TRIP12: variants seen among roughly 807,000 people sequenced by gnomAD.
TRIP12 encodes the protein E3 ubiquitin-protein ligase TRIP12.
Under a neutral mutation model 244.2 loss-of-function variants are expected in TRIP12, and 25 were observed. That is an observed-to-expected ratio of 0.10 (90% confidence interval 0.07 to 0.14). TRIP12 has a LOEUF of 0.14. TRIP12 is among the 10% of genes least tolerant of loss of function. The pLI, the probability that TRIP12 is intolerant of heterozygous loss-of-function variation, is 1.00. For missense variants in TRIP12, 1,677 were observed against 2,486.4 expected (o/e 0.67, Z 6.92); for synonymous variants, 905 against 873.1 (o/e 1.04, Z -0.64).
intron 34 of TRIP12, among the ~76,000 whole-genome samples, chr2:229,780,332 A>G (rs1426282218): frequency 6.6e-6 from 1 of 152,094 alleles, no homozygotes; most frequent in Non-Finnish European, 1.5e-5. Context: ...CTAATTACCA[A>G]CTTTACCCAG....
intron 1 of TRIP12, among the ~76,000 whole-genome samples, chr2:229,911,607 A>G (rs759553929): frequency 7.9e-5 from 12 of 152,152 alleles, no homozygotes; most frequent in Non-Finnish European, 1.5e-4. Flanking sequence ...ACAAAGAAAT[A>G]ATAAGTGTCT....
rs558759725 is a variant in TRIP12 at position 229,834,632 on chromosome 2, CACTTGTAGTCCCAACT to C, written c.1270+2200_1270+2215del. On this transcript the variant is annotated intron_variant, in intron 6 of 41. Transcript: ENST00000675903. ...AAAATTAGCCGGCTGTGGTGTCAGG[CACTTGTAGTCCCAACT>C]ACTTAGGAGGCTGAGGCAAGAGAAT... 4.4e-3 allele frequency among the ~76,000 whole-genome samples: 669 copies of C among 152,210 alleles called. 3 individuals are homozygous for C. Among genetic ancestry groups the C allele is most frequent in the Admixed American group, 0.01 (160 of 15,282 alleles).
In TRIP12 at chr2:229,804,133, A is replaced by G. The variant is rs1420157199; in HGVS notation, c.2745T>C (p.Gly915=). ...AGGAACTATACACTTCATAAAGAAC[A>G]CCAAATAATGTCTTAATAAAAGACT... ...LAKSFIKTLF[G]VLYEVYSSSA... is the part of the protein sequence containing the mutation. The change falls in exon 19 of 42, where the codon GGT becomes GGC. Residue 915 remains glycine, a synonymous_variant. Coordinates refer to ENST00000675903, the MANE Select transcript of TRIP12 (RefSeq NM_001348323.3). The G allele has an allele frequency of 1.9e-6, 3 of 1,614,138 alleles. No homozygotes were observed. The highest frequency in any genetic ancestry group is 2.5e-6 in the Non-Finnish European group (3 of 1,179,990).
intron 6 of TRIP12, among the ~76,000 whole-genome samples, chr2:229,833,186 T>A (rs937177980): frequency 6.6e-6 from 1 of 152,172 alleles, no homozygotes; most frequent in Non-Finnish European, 1.5e-5. Context: ...CACAAAGACA[T>A]CAATTAATCA....
At chr2:229,820,297 A>T (rs1404766611) in intron 8 of TRIP12, among the ~76,000 whole-genome samples, 1 of 152,120 alleles carries the variant, frequency 6.6e-6, no homozygotes, top group African/African-American at 2.4e-5. Flanking sequence ...ATACAGCATA[A>T]TCAAAATTAT....
intron 8 of TRIP12, among the ~76,000 whole-genome samples, chr2:229,823,533 A>G (rs2050660922): frequency 6.6e-6 from 1 of 152,002 alleles, no homozygotes; most frequent in Non-Finnish European, 1.5e-5. Context: ...AAAATTAGCC[A>G]GGTGTGGTGG....
intron 4 of TRIP12, among the ~76,000 whole-genome samples, chr2:229,856,899 C>T (rs1378477660): frequency 6.6e-6 from 1 of 152,072 alleles, no homozygotes; most frequent in Admixed American, 6.5e-5. Flanking sequence ...TTTAAAATAC[C>T]AAAACAGAAC....
At chr2:229,799,951 A>C (rs1296167768) in intron 21 of TRIP12, among the ~76,000 whole-genome samples, 1 of 152,186 alleles carries the variant, frequency 6.6e-6, no homozygotes, top group Non-Finnish European at 1.5e-5. Context: ...ATGACTGATC[A>C]ATTTTCTATG....
intron 33 of TRIP12, among the ~76,000 whole-genome samples, chr2:229,787,281 G>T: frequency 6.6e-6 from 1 of 152,026 alleles, no homozygotes; most frequent in East Asian, 1.9e-4. Context: ...AAAGAGAATT[G>T]TAGAAATTAT....
chr2:229,865,226 T>A (rs1179063286), intron 2 of TRIP12, among the ~76,000 whole-genome samples: 1 of 146,920 alleles, frequency 6.8e-6, no homozygotes, highest in African/African-American at 2.5e-5. Flanking sequence ...GTGGGGAAGA[T>A]CACTCGAGCC....
At chr2:229,828,737 C>T (rs1488544304) in intron 8 of TRIP12, among the ~76,000 whole-genome samples, 6 of 151,856 alleles carry the variant, frequency 4.0e-5, no homozygotes, top group African/African-American at 7.3e-5. Flanking sequence ...ACTGCACTCC[C>T]GCCTGGACGA....
At chr2:229,837,910 TA>T (rs554621294) in intron 5 of TRIP12, among the ~76,000 whole-genome samples, 64 of 152,188 alleles carry the variant, frequency 4.2e-4, no homozygotes, top group Non-Finnish European at 8.1e-4. Flanking sequence ...TTATTGATAA[TA>T]AACCTTTTTT....
intron 8 of TRIP12, among the ~76,000 whole-genome samples, chr2:229,823,978 G>C (rs1366006819): frequency 6.6e-6 from 1 of 151,960 alleles, no homozygotes; most frequent in Non-Finnish European, 1.5e-5. Flanking sequence ...AAGAAACTAA[G>C]AGCACTGCAA....
chr2:229,825,539 A>G (rs995591851), intron 8 of TRIP12, among the ~76,000 whole-genome samples: 8 of 152,234 alleles, frequency 5.3e-5, no homozygotes, highest in African/African-American at 1.9e-4. Context: ...ACTTACCATC[A>G]GTGGAAGGCA....
intron 41 of TRIP12, among the ~76,000 whole-genome samples, chr2:229,767,986 A>G (rs1040091800): frequency 6.6e-6 from 1 of 152,136 alleles, no homozygotes; most frequent in African/African-American, 2.4e-5. Flanking sequence ...AAAATGGAAT[A>G]CCCACAGTGG....
chr2:229,846,920 A>G (rs2057691089), intron 4 of TRIP12, among the ~76,000 whole-genome samples: 1 of 152,244 alleles, frequency 6.6e-6, no homozygotes, highest in African/African-American at 2.4e-5. Flanking sequence ...AGGAGAAACT[A>G]GAAAGGAGCT....
intron 2 of TRIP12, among the ~76,000 whole-genome samples, chr2:229,872,629 T>G (rs1437364824): frequency 6.6e-6 from 1 of 152,192 alleles, no homozygotes; most frequent in Admixed American, 6.5e-5. Context: ...CATTACGGTA[T>G]GTAAAATAAT....
rs577499387 is a variant in TRIP12, at chr2:229,763,941, G to A, written c.*3613C>T. The A allele has an allele frequency of 1.1e-4, 17 of 152,250 alleles. No individual in the cohort carries two copies. Among genetic ancestry groups the A allele is most frequent in the African/African-American group, 4.1e-4 (17 of 41,538 alleles). The allele number at this position is 152,250 out of a possible 1,614,324, so 9.4% of individuals were successfully genotyped here. Reference sequence around the variant, plus strand: ...AGTTTGAGGTTCCATTATTCCAACAGTTCATATAAATCACTGTTTCAGATA... The same window carrying A: ...AGTTTGAGGTTCCATTATTCCAACAATTCATATAAATCACTGTTTCAGATA... On this transcript the variant is annotated 3_prime_UTR_variant, in exon 42 of 42. Transcript: ENST00000675903.
intron 8 of TRIP12, 24 bp from the exon 9 acceptor site, chr2:229,818,536 A>T (rs777955925): frequency 6.3e-7 from 1 of 1,597,742 alleles, no homozygotes; most frequent in Non-Finnish European, 8.5e-7. Flanking sequence ...AATAATTATT[A>T]TCTTTAAACA....
Sources: gnomAD v4.1 joint callset for allele counts (sites outside exome capture counted in the v4.1 genomes callset) on GRCh38, gnomAD v4.1.1 for gene constraint, MANE v1.5 for transcripts, NCBI Gene and HGNC (gene_info 2026-07-23, HGNC 2026-07-21) for gene names.